Variants in RELN observed in about 807,000 individuals in gnomAD.
RELN encodes reelin.
A neutral mutation model predicts 427.6 loss-of-function variants in RELN; 108 were observed. That is an observed-to-expected ratio of 0.25 (90% CI 0.22 to 0.30). RELN has a LOEUF of 0.30. RELN is among the 10% of genes least tolerant of loss of function. RELN has a pLI of 1.00. For missense variants in RELN, 3,715 were observed against 4,302.8 expected (o/e 0.86, Z 3.82); for synonymous variants, 1,524 against 1,513.4 (o/e 1.01, Z -0.16).
At chr7:103,981,500 G>C (rs1796989644) in intron 1 of RELN, among the ~76,000 whole-genome samples, 1 of 152,202 alleles carries the variant, frequency 6.6e-6, no homozygotes, top group African/African-American at 2.4e-5. Context: ...GAGAGGATCA[G>C]AGCAATTCAG....
In RELN at chr7:103,604,362, C is replaced by G. The variant is rs760250241; in HGVS notation, c.3130G>C (p.Asp1044His). The G allele has an allele frequency of 3.1e-6, 5 of 1,613,684 alleles. No individual in the cohort carries two copies. The African/African-American group carries it at 4.0e-5, about 13-fold the overall frequency. The change falls in exon 23 of 65, where the codon GAT becomes CAT. Residue 1044 changes from aspartate (D) to histidine (H), a missense_variant. Transcript: ENST00000428762. The part of the protein sequence containing the change: ...PNMCSGHGSC[D>H]HGICRCDQGY... ...TGCACATACCTGCATATGCCATGATCGCATGAGCCATGCCCACTGCACATG... is the reference window on the plus strand; with the variant it reads ...TGCACATACCTGCATATGCCATGATGGCATGAGCCATGCCCACTGCACATG...
intron 4 of RELN, among the ~76,000 whole-genome samples, chr7:103,776,202 A>C (rs911536809): frequency 6.6e-6 from 1 of 152,234 alleles, no homozygotes; most frequent in African/African-American, 2.4e-5. Flanking sequence ...AAAAGCAATA[A>C]TCAGAAACAT....
At position 103,540,368 on chromosome 7, in the gene RELN, G is replaced by A. The variant is rs548135273; in HGVS notation, c.6759C>T (p.Asn2253=). 2.4e-5 allele frequency: 39 copies of A among 1,614,108 alleles called. No homozygotes were observed. Among genetic ancestry groups the A allele is most frequent in the African/African-American group, 4.0e-5 (3 of 75,018 alleles). The part of the protein sequence containing the change: ...SQPVLLQYSL[N]GGLSWSLLQE... ...GAAGAAGACTCCACGAGAGGCCACC[G>A]TTGAGAGAATACTGTAGGAGCACGG... Residue 2253 remains asparagine, a synonymous_variant, in exon 44 of 65, where the codon AAC becomes AAT. Coordinates refer to ENST00000428762, the MANE Select transcript of RELN (RefSeq NM_005045.4).
At chr7:103,682,289 G>A (rs1020826935) in intron 10 of RELN, 28 bp from the exon 11 acceptor site, 4 of 1,613,302 alleles carry the variant, frequency 2.5e-6, no homozygotes, top group Non-Finnish European at 3.4e-6. Flanking sequence ...GCACGGGGTG[G>A]CTGTTGAATT....
intron 6 of RELN, among the ~76,000 whole-genome samples, chr7:103,740,002 C>A (rs1351510899): frequency 6.6e-6 from 1 of 152,104 alleles, no homozygotes; most frequent in East Asian, 1.9e-4. Context: ...GACTAGTCAC[C>A]AGACTAGATG....
rs556727107 is a variant in RELN at position 103,810,529 on chromosome 7, G to A, written c.473+23008C>T. Among the ~76,000 whole-genome samples the A allele has an allele frequency of 1.1e-4, 16 of 152,204 alleles. No individual in the cohort carries two copies. In the South Asian group the frequency reaches 2.5e-3, roughly 24 times the overall value. ...CAGAAATATGTCACATTCTTTCTTC[G>A]TGACAGTCAGCAGAGCCGATCACAG... On this transcript the variant is annotated intron_variant, in intron 3 of 64. Coordinates refer to ENST00000428762, the MANE Select transcript of RELN (RefSeq NM_005045.4).
chr7:103,869,903 C>G (rs1794288284), intron 2 of RELN, among the ~76,000 whole-genome samples: 1 of 152,024 alleles, frequency 6.6e-6, no homozygotes. Flanking sequence ...TCATATTTTC[C>G]CACAGATCCC....
chr7:103,659,583 G>C (rs2117407750), intron 12 of RELN, among the ~76,000 whole-genome samples: 1 of 152,118 alleles, frequency 6.6e-6, no homozygotes, highest in Middle Eastern at 3.4e-3. Context: ...TCAAGGGTGA[G>C]TTCAAATGCC....
rs1198960564 is a variant in RELN at position 103,876,096 on chromosome 7, G to A, written c.337+40979C>T. On this transcript the variant is annotated intron_variant, in intron 2 of 64. Coordinates refer to ENST00000428762, the MANE Select transcript of RELN (RefSeq NM_005045.4). The stretch of plus-strand genomic sequence containing the variant: ...CTTTGTTTGATTATGTACTCCTAAG[G>A]GGCTATGAATTCTAGTTTCTGTCTT... Among the ~76,000 whole-genome samples the A allele has an allele frequency of 8.6e-5, 13 of 151,996 alleles. 1 individual carries two copies. The highest frequency in any genetic ancestry group is 8.5e-4 in the Admixed American group (13 of 15,250).
In RELN at chr7:103,899,040, A is replaced by T. The variant is rs1036538664; in HGVS notation, c.337+18035T>A. 2.0e-5 allele frequency among the ~76,000 whole-genome samples: 3 copies of T among 151,956 alleles called. No homozygotes were observed. The East Asian group carries it at 5.8e-4, about 29-fold the overall frequency. ...AAACTAGTTCTAAGATAGATAGACC[A>T]CTAGCCAGACTAATAAAGAAGAAAA... On this transcript the variant is annotated intron_variant, in intron 2 of 64. Transcript: ENST00000428762.
chr7:103,870,076 G>A (rs141251244), intron 2 of RELN, among the ~76,000 whole-genome samples: 4 of 151,848 alleles, frequency 2.6e-5, no homozygotes, highest in African/African-American at 4.8e-5. Flanking sequence ...CTAGAATTTC[G>A]GTTTGGTTTT....
intron 2 of RELN, among the ~76,000 whole-genome samples, chr7:103,915,351 C>T (rs572367435): frequency 1.3e-5 from 2 of 152,272 alleles, no homozygotes; most frequent in South Asian, 4.2e-4. Flanking sequence ...ACTTCTTTGC[C>T]AGCCCCTAGC....
At chr7:103,742,383 C>T (rs985076328) in intron 6 of RELN, among the ~76,000 whole-genome samples, 10 of 152,194 alleles carry the variant, frequency 6.6e-5, no homozygotes, top group East Asian at 1.9e-4. Flanking sequence ...AGGAACGCAG[C>T]TCCTCACCAG....
At chr7:103,745,277 G>A (rs1584458178) in intron 6 of RELN, among the ~76,000 whole-genome samples, 1 of 152,000 alleles carries the variant, frequency 6.6e-6, no homozygotes, top group East Asian at 1.9e-4. Context: ...AAAATAATAA[G>A]AGCTATCTAT....
intron 48 of RELN, among the ~76,000 whole-genome samples, chr7:103,521,078 G>T (rs957274256): frequency 1.0e-4 from 14 of 139,318 alleles, no homozygotes; most frequent in African/African-American, 3.7e-4. Context: ...CCGGGTTCAC[G>T]CCATTCTCCT....
At chr7:103,771,503 C>T (rs1458025240) in intron 4 of RELN, among the ~76,000 whole-genome samples, 2 of 152,166 alleles carry the variant, frequency 1.3e-5, no homozygotes, top group African/African-American at 2.4e-5. Flanking sequence ...CTTGGCTGTC[C>T]CAGCCAGTGA....
Position 103,510,808 on chromosome 7 carries a change from C to T in RELN, c.8274+43G>A, listed in dbSNP as rs73714427. 2.2e-3 allele frequency: 3,212 copies of T among 1,481,798 alleles called. 64 individuals are homozygous for T. The African/African-American group carries it at 0.039, about 18-fold the overall frequency. The allele number at this position is 1,481,798 out of a possible 1,614,324, so 91.8% of individuals were successfully genotyped here. ...TTCTCTGATATTTTTTGTTATATTG[C>T]TAATGTATGGTTGTTTATATAATCA... On this transcript the variant is annotated intron_variant, in intron 51 of 64. Coordinates refer to ENST00000428762, the MANE Select transcript of RELN (RefSeq NM_005045.4).
At chr7:103,908,042 G>A (rs998353301) in intron 2 of RELN, among the ~76,000 whole-genome samples, 2 of 152,226 alleles carry the variant, frequency 1.3e-5, no homozygotes, top group Admixed American at 6.5e-5. Context: ...ACTTATGAGT[G>A]AGAACATGAG....
Position 103,603,052 on chromosome 7 carries a change from A to G in RELN, c.3333+252T>C, listed in dbSNP as rs1831712882. Among the ~76,000 whole-genome samples the G allele has an allele frequency of 6.6e-6, 1 of 152,202 alleles. No homozygotes were observed. The highest frequency in any genetic ancestry group is 1.5e-5 in the Non-Finnish European group (1 of 68,040). On this transcript the variant is annotated intron_variant, in intron 24 of 64. Coordinates refer to ENST00000428762, the MANE Select transcript of RELN (RefSeq NM_005045.4). The surrounding 1 kb of genome is among the most constrained non-coding windows in gnomAD (Gnocchi z 4.3). Reference sequence around the variant, plus strand: ...AAATGAAGGAAAGGAAAGTAATGGTATTTAAATCAGGTACAGGAGGGTAGA... The same window carrying G: ...AAATGAAGGAAAGGAAAGTAATGGTGTTTAAATCAGGTACAGGAGGGTAGA...
Sources: gnomAD v4.1 joint callset for allele counts (sites outside exome capture counted in the v4.1 genomes callset) on GRCh38, gnomAD v4.1.1 for gene constraint, Gnocchi (gnomAD v3.1) non-coding constraint, MANE v1.5 for transcripts, NCBI Gene and HGNC (gene_info 2026-07-23, HGNC 2026-07-21) for gene names.